Variants in CPEB3 observed in about 807,000 individuals in gnomAD.
The protein encoded by CPEB3 is cytoplasmic polyadenylation element-binding protein 3.
CPEB3 carries 20 observed loss-of-function variants against 67.2 expected under a neutral mutation model. That is an observed-to-expected ratio of 0.30 (90% confidence interval 0.21 to 0.43). The LOEUF (loss-of-function observed/expected upper bound fraction) is 0.43. CPEB3 is among the 20% of genes least tolerant of loss of function. The pLI, the probability that CPEB3 is intolerant of heterozygous loss-of-function variation, is 1.00. For missense variants in CPEB3, 746 were observed against 968.6 expected (o/e 0.77, Z 3.05); for synonymous variants, 376 against 393.1 (o/e 0.96, Z 0.51).
intron 6 of CPEB3, among the ~76,000 whole-genome samples, chr10:92,112,545 G>A (rs938240090): frequency 1.4e-4 from 21 of 152,216 alleles, no homozygotes; most frequent in African/African-American, 3.9e-4. Flanking sequence ...GGGACAAAAT[G>A]TGTCACTGAA....
At chr10:92,065,849 A>T (rs1842525612) in intron 9 of CPEB3, among the ~76,000 whole-genome samples, 1 of 151,936 alleles carries the variant, frequency 6.6e-6, no homozygotes, top group Non-Finnish European at 1.5e-5. Flanking sequence ...ATTCCAGCAC[A>T]TTGGGAGGCT....
At chr10:92,186,436 ATTTTT>A (rs373212390) in intron 3 of CPEB3, among the ~76,000 whole-genome samples, 2 of 143,224 alleles carry the variant, frequency 1.4e-5, no homozygotes, top group Non-Finnish European at 3.0e-5. Flanking sequence ...AACTCAGGTG[ATTTTT>A]TTTTTTTTTT....
chr10:92,085,813 T>C (rs990600217), intron 8 of CPEB3, among the ~76,000 whole-genome samples: 7 of 152,286 alleles, frequency 4.6e-5, no homozygotes, highest in South Asian at 2.1e-4. Flanking sequence ...TTTTGCCATA[T>C]TGGCCAGGCT....
chr10:92,216,186 C>T, intron 2 of CPEB3: 1 of 653,696 alleles, frequency 1.5e-6, no homozygotes, highest in Non-Finnish European at 2.6e-6. Flanking sequence ...GCCTGTAATC[C>T]CAGCACTTTG....
chr10:92,053,965 C>T (rs1163242929), intron 9 of CPEB3, among the ~76,000 whole-genome samples: 3 of 152,190 alleles, frequency 2.0e-5, no homozygotes, highest in East Asian at 3.8e-4. Flanking sequence ...GGATTACAGG[C>T]GTAAGCCACC....
At chr10:92,282,448 G>A (rs1842339838) in intron 1 of CPEB3, among the ~76,000 whole-genome samples, 1 of 152,330 alleles carries the variant, frequency 6.6e-6, no homozygotes, top group Middle Eastern at 3.4e-3. Context: ...CCAGCACTTT[G>A]GGAGGCCAAG....
intron 9 of CPEB3, among the ~76,000 whole-genome samples, chr10:92,060,664 T>C (rs932051043): frequency 1.3e-4 from 19 of 151,942 alleles, no homozygotes; most frequent in Non-Finnish European, 2.4e-4. Flanking sequence ...AACAACTCTA[T>C]AGGAAAAAAA....
At chr10:92,067,688 C>T (rs761211382) in intron 9 of CPEB3, among the ~76,000 whole-genome samples, 4 of 151,386 alleles carry the variant, frequency 2.6e-5, no homozygotes, top group Non-Finnish European at 5.9e-5. Flanking sequence ...CGTGGTGGCA[C>T]GTGCCTGTAA....
At chr10:92,075,754 A>G (rs1426631511) in intron 9 of CPEB3, among the ~76,000 whole-genome samples, 1 of 152,234 alleles carries the variant, frequency 6.6e-6, no homozygotes, top group Non-Finnish European at 1.5e-5. Context: ...AGATGGTGAG[A>G]AGAAATCAAA....
intron 9 of CPEB3, among the ~76,000 whole-genome samples, chr10:92,059,884 G>A (rs2134303029): frequency 6.6e-6 from 1 of 150,870 alleles, no homozygotes; most frequent in East Asian, 1.9e-4. Context: ...TTGAACCCGG[G>A]AGGCGGAGGT....
intron 4 of CPEB3, among the ~76,000 whole-genome samples, chr10:92,176,618 G>A (rs1204003549): frequency 6.6e-6 from 1 of 152,212 alleles, no homozygotes; most frequent in South Asian, 2.1e-4. Context: ...ATATTTATCT[G>A]TTTTCCCAAG....
At chr10:92,137,614 C>G in intron 6 of CPEB3, 1 of 661,462 alleles carries the variant, frequency 1.5e-6, no homozygotes, top group South Asian at 1.6e-5. Flanking sequence ...CAATGTGGAA[C>G]ATGAGGAGTG....
chr10:92,278,934 T>A (rs1312415798), intron 1 of CPEB3, among the ~76,000 whole-genome samples: 1 of 152,094 alleles, frequency 6.6e-6, no homozygotes, highest in Admixed American at 6.6e-5. Flanking sequence ...TTTATTATTT[T>A]TTTTTTTATT....
intron 2 of CPEB3, among the ~76,000 whole-genome samples, chr10:92,226,499 G>C (rs996861254): frequency 3.3e-5 from 5 of 152,116 alleles, no homozygotes; most frequent in African/African-American, 1.2e-4. Flanking sequence ...TGCCTAATCA[G>C]TCATTTGTAA....
At chr10:92,266,453 T>TG (rs1853060850) in intron 1 of CPEB3, among the ~76,000 whole-genome samples, 1 of 152,160 alleles carries the variant, frequency 6.6e-6, no homozygotes, top group Admixed American at 6.6e-5. Context: ...GCCCTAAGCT[T>TG]CATATGCAGA....
intron 1 of CPEB3, among the ~76,000 whole-genome samples, chr10:92,260,946 C>A (rs1852771654): frequency 6.6e-6 from 1 of 152,076 alleles, no homozygotes; most frequent in Non-Finnish European, 1.5e-5. Flanking sequence ...ATCGAAAGTA[C>A]TAATTTTAGT....
intron 6 of CPEB3, among the ~76,000 whole-genome samples, chr10:92,123,179 C>T (rs1845467120): frequency 6.6e-6 from 1 of 152,136 alleles, no homozygotes; most frequent in Admixed American, 6.6e-5. Flanking sequence ...TGACCTGGGG[C>T]ATTTGGACTT....
chr10:92,170,777 T>A (rs1590295664), intron 4 of CPEB3, among the ~76,000 whole-genome samples: 1 of 152,178 alleles, frequency 6.6e-6, no homozygotes, highest in South Asian at 2.1e-4. Context: ...TTGTATTTTA[T>A]ACTGATCAAT....
At chr10:92,254,980 T>A (rs1247421255) in intron 1 of CPEB3, among the ~76,000 whole-genome samples, 1 of 152,076 alleles carries the variant, frequency 6.6e-6, no homozygotes, top group Non-Finnish European at 1.5e-5. Flanking sequence ...AGTGTTGGGA[T>A]TACAGGCATG....
Sources: allele counts gnomAD v4.1 joint callset (sites outside exome capture counted in the v4.1 genomes callset), GRCh38; gene constraint gnomAD v4.1.1; transcripts MANE v1.5; gene names NCBI Gene and HGNC (gene_info 2026-07-23, HGNC 2026-07-21).